KCNMA1: variants seen among roughly 807,000 people sequenced by gnomAD.
KCNMA1 encodes the protein Calcium-activated potassium channel subunit alpha-1.
Under a neutral mutation model 140.0 loss-of-function variants are expected in KCNMA1, and 29 were observed. The ratio of observed to expected loss-of-function variants is 0.21; its 90% CI spans 0.15 to 0.28. The LOEUF is 0.28. Ranked by LOEUF, KCNMA1 falls within the 10% of genes least tolerant of loss-of-function variation. The pLI, the probability that KCNMA1 is intolerant of heterozygous loss-of-function variation, is 1.00. For synonymous variants in KCNMA1, 612 were observed against 611.9 expected, an observed-to-expected ratio of 1.00 and a Z score of 0.00; for missense variants, 880 against 1,602.2, an observed-to-expected ratio of 0.55 and a Z score of 7.70.
chr10:77,280,941 G>A (rs1029460723), intron 2 of KCNMA1, among the ~76,000 whole-genome samples: 7 of 152,090 alleles, frequency 4.6e-5, no homozygotes, highest in Non-Finnish European at 1.5e-5. Context: ...CTTCTTTTGT[G>A]AAAATTAATT....
intron 1 of KCNMA1, among the ~76,000 whole-genome samples, chr10:77,529,602 A>G (rs2057032912): frequency 6.6e-6 from 1 of 152,170 alleles, no homozygotes; most frequent in South Asian, 2.1e-4. Flanking sequence ...TAAATAACAA[A>G]TGAGTTAAAA....
chr10:77,382,994 G>GTGTGTA (rs1491457588), intron 2 of KCNMA1, among the ~76,000 whole-genome samples: 24 of 46,424 alleles, frequency 5.2e-4, no homozygotes, highest in Non-Finnish European at 6.7e-4. Context: ...GTGTGTGTGT[G>GTGTGTA]TATATATATA....
At chr10:77,505,301 C>T (rs1052569997) in intron 1 of KCNMA1, among the ~76,000 whole-genome samples, 3 of 152,268 alleles carry the variant, frequency 2.0e-5, no homozygotes, top group African/African-American at 7.2e-5. Flanking sequence ...AACCCTTGGT[C>T]ACTCTTCATT....
intron 1 of KCNMA1, among the ~76,000 whole-genome samples, chr10:77,582,745 GC>G (rs2076212245): frequency 6.6e-6 from 1 of 152,238 alleles, no homozygotes. Flanking sequence ...ACAGAGCCAT[GC>G]CCCTCGGGGG....
chr10:76,948,899 A>G, intron 22 of KCNMA1: 1 of 574,416 alleles, frequency 1.7e-6, no homozygotes. Flanking sequence ...TGGTTAATAT[A>G]CTTGATACAA....
At chr10:77,135,407 A>G (rs1327786330) in intron 5 of KCNMA1, among the ~76,000 whole-genome samples, 1 of 152,192 alleles carries the variant, frequency 6.6e-6, no homozygotes, top group Admixed American at 6.5e-5. Flanking sequence ...GTAAATTAGT[A>G]CTATTTTCCA....
At chr10:77,597,664 A>T (rs1324528589) in intron 1 of KCNMA1, among the ~76,000 whole-genome samples, 1 of 152,090 alleles carries the variant, frequency 6.6e-6, no homozygotes, top group African/African-American at 2.4e-5. Context: ...TCCTTCTGTG[A>T]CTTCATTTCC....
intron 1 of KCNMA1, among the ~76,000 whole-genome samples, chr10:77,437,087 C>A (rs1206063428): frequency 6.6e-6 from 1 of 152,092 alleles, no homozygotes; most frequent in Non-Finnish European, 1.5e-5. Flanking sequence ...GTGTTCCCCA[C>A]TCTGCCTCCC....
chr10:77,636,412 T>C, intron 1 of KCNMA1: 1 of 1,536,132 alleles, frequency 6.5e-7, no homozygotes, highest in Non-Finnish European at 8.7e-7. Context: ...TCTAGCCACC[T>C]CGAGCGCCAG....
intron 2 of KCNMA1, among the ~76,000 whole-genome samples, chr10:77,263,820 C>G (rs534477441): frequency 3.8e-4 from 58 of 152,244 alleles, no homozygotes; most frequent in African/African-American, 1.3e-3. Flanking sequence ...AGAATCGAAT[C>G]TGACCATAAC....
intron 1 of KCNMA1, among the ~76,000 whole-genome samples, chr10:77,464,013 A>C (rs550666849): frequency 1.3e-5 from 2 of 152,000 alleles, no homozygotes; most frequent in South Asian, 4.2e-4. Context: ...AGAATCTCAG[A>C]CCCCACCCTA....
At chr10:77,577,806 C>T (rs1334461166) in intron 1 of KCNMA1, among the ~76,000 whole-genome samples, 1 of 152,136 alleles carries the variant, frequency 6.6e-6, no homozygotes, top group Non-Finnish European at 1.5e-5. Flanking sequence ...ATCCCCCTGC[C>T]CCCTCCACAG....
At chr10:77,361,322 C>G (rs1385896374) in intron 2 of KCNMA1, among the ~76,000 whole-genome samples, 1 of 152,180 alleles carries the variant, frequency 6.6e-6, no homozygotes, top group Non-Finnish European at 1.5e-5. Flanking sequence ...GAATTCAGAG[C>G]CTTTTGCTCC....
At chr10:77,022,742 T>C (rs1336585026) in intron 16 of KCNMA1, among the ~76,000 whole-genome samples, 1 of 152,224 alleles carries the variant, frequency 6.6e-6, no homozygotes, top group South Asian at 2.1e-4. Flanking sequence ...CCATAAGTTT[T>C]CCTTTTTTTC....
rs116568603 is a variant in KCNMA1, at chr10:77,460,227, C to T, written c.379-56204G>A. 1.9e-3 allele frequency among the ~76,000 whole-genome samples: 290 copies of T among 152,280 alleles called. 2 individuals carry two copies. Among genetic ancestry groups the T allele is most frequent in the East Asian group, 0.019 (96 of 5,176 alleles). ...GAATGTTCGTTGATAAAGTCTGCTG[C>T]GCTCTCCCACCTCTCAGATTCTTCC... On this transcript the variant is annotated intron_variant, in intron 1 of 27. Transcript: ENST00000286628.
chr10:76,957,455 G>A (rs2068850747), intron 20 of KCNMA1, among the ~76,000 whole-genome samples: 3 of 152,104 alleles, frequency 2.0e-5, no homozygotes, highest in Non-Finnish European at 2.9e-5. Flanking sequence ...GAGATTAAGA[G>A]AGAACAAAAA....
chr10:77,358,360 G>A (rs569915719), intron 2 of KCNMA1, among the ~76,000 whole-genome samples: 20 of 152,208 alleles, frequency 1.3e-4, no homozygotes, highest in Non-Finnish European at 2.5e-4. Flanking sequence ...CTTATCTGTA[G>A]TAGATATTAT....
chr10:77,174,988 G>T (rs903455746), intron 5 of KCNMA1, among the ~76,000 whole-genome samples: 2 of 152,166 alleles, frequency 1.3e-5, no homozygotes, highest in African/African-American at 2.4e-5. Context: ...CACTCTGGGG[G>T]ATTCTAATAA....
At chr10:76,974,378 C>A in intron 19 of KCNMA1, 2 of 599,790 alleles carry the variant, frequency 3.3e-6, no homozygotes, top group Non-Finnish European at 2.8e-6. Context: ...AAGCTGAAAT[C>A]CACAGTAGTG....
Sources: gnomAD v4.1 joint callset for allele counts (sites outside exome capture counted in the v4.1 genomes callset) on GRCh38, gnomAD v4.1.1 for gene constraint, MANE v1.5 for transcripts, NCBI Gene and HGNC (gene_info 2026-07-23, HGNC 2026-07-21) for gene names.